TRAF3: variants seen among roughly 807,000 people sequenced by gnomAD.
The protein encoded by TRAF3 is TNF receptor associated factor 3.
Under a neutral mutation model 62.3 loss-of-function variants are expected in TRAF3, and 13 were observed. The ratio of observed to expected loss-of-function variants is 0.21; its 90% CI spans 0.14 to 0.33. The LOEUF (loss-of-function observed/expected upper bound fraction) is 0.33. Among genes scored for constraint, TRAF3 ranks in the 10% least tolerant of loss-of-function variants. The pLI, the probability that TRAF3 is intolerant of heterozygous loss-of-function variation, is 1.00. For synonymous variants in TRAF3, 269 were observed against 283.4 expected (o/e 0.95, Z 0.51); for missense variants, 440 against 741.8 (o/e 0.59, Z 4.73).
rs536849124 is a variant in TRAF3 at position 102,851,466 on chromosome 14, C to T, written c.-17-18719C>T. On this transcript the variant is annotated intron_variant, in intron 2 of 11. Transcript: ENST00000392745. ...AGATTAGAATTTACCATCACAGGGC[C>T]GGGCGCAGTGGCTCAGGCCTGTAAT... Among the ~76,000 whole-genome samples the T allele has an allele frequency of 3.3e-5, 5 of 152,282 alleles. No homozygotes were observed. The South Asian group carries it at 8.3e-4, about 25-fold the overall frequency.
intron 9 of TRAF3, among the ~76,000 whole-genome samples, chr14:102,895,724 T>C (rs1889972426): frequency 6.6e-6 from 1 of 152,242 alleles, no homozygotes; most frequent in Non-Finnish European, 1.5e-5. Context: ...CCTTGAACTT[T>C]TCATCTTTGA....
Position 102,872,086 on chromosome 14 carries a change from C to G in TRAF3, c.297+118C>G, listed in dbSNP as rs542343567. 8.6e-6 allele frequency: 9 copies of G among 1,048,198 alleles called. No homozygotes were observed. The South Asian group carries it at 1.0e-4, about 12-fold the overall frequency. The allele number at this position is 1,048,198 out of a possible 1,614,324, so 64.9% of individuals were successfully genotyped here. A position where few individuals can be genotyped will look rare whatever the true frequency, so the allele number is the denominator to read the frequency against. On this transcript the variant is annotated intron_variant, in intron 4 of 11. Transcript: ENST00000392745. ...ATTCTCTCAGTTTTGGCAGCTGATG[C>G]GGCAGGCTCCCAGGCAGGACACTGT...
intron 1 of TRAF3, among the ~76,000 whole-genome samples, chr14:102,828,512 G>A (rs1208983558): frequency 6.6e-6 from 1 of 152,174 alleles, no homozygotes; most frequent in Admixed American, 6.5e-5. Context: ...GGGCTTCCTG[G>A]GAACGTGAAG....
chr14:102,897,884 T>C (rs1433033764), intron 10 of TRAF3, among the ~76,000 whole-genome samples: 1 of 152,238 alleles, frequency 6.6e-6, no homozygotes, highest in Non-Finnish European at 1.5e-5. Context: ...AACAAACCAG[T>C]GAACCTTTGC....
chr14:102,881,154 C>T (rs768934631), intron 6 of TRAF3, among the ~76,000 whole-genome samples: 2 of 151,940 alleles, frequency 1.3e-5, no homozygotes, highest in Admixed American at 6.6e-5. Context: ...GAGGCCAAAG[C>T]GGGTGGATCA....
intron 2 of TRAF3, among the ~76,000 whole-genome samples, chr14:102,850,833 A>G (rs1886995831): frequency 6.6e-6 from 1 of 151,846 alleles, no homozygotes; most frequent in Admixed American, 6.6e-5. Context: ...CTTCATTGTA[A>G]TTTTCTTAGC....
At chr14:102,875,080 T>A (rs1448771435) in intron 4 of TRAF3, among the ~76,000 whole-genome samples, 1 of 152,246 alleles carries the variant, frequency 6.6e-6, no homozygotes, top group African/African-American at 2.4e-5. Context: ...AAATGAGTTT[T>A]AACAGCATGA....
chr14:102,788,667 G>T (rs941685941), intron 1 of TRAF3, among the ~76,000 whole-genome samples: 4 of 152,120 alleles, frequency 2.6e-5, no homozygotes, highest in Non-Finnish European at 5.9e-5. Context: ...GCGTGGTGGC[G>T]CATGCCTCTA....
In TRAF3 at chr14:102,903,586, C is replaced by A; in HGVS notation, c.1135+157C>A. 9.3e-7 allele frequency: 1 copy of A among 1,076,852 alleles called. No homozygotes were observed. The highest frequency in any genetic ancestry group is 1.4e-6 in the Non-Finnish European group (1 of 727,072). 66.7% of individuals were successfully genotyped at this position (1,076,852 alleles called of 1,614,324 possible). A position where few individuals can be genotyped will look rare whatever the true frequency, so the allele number is the denominator to read the frequency against. ...ACGCAGAGGTGTGATGACTTTCCTA[C>A]TGAAAGTCCCCCAGCAAAGACAAAC... On this transcript the variant is annotated intron_variant, in intron 11 of 11. Transcript: ENST00000392745. The surrounding 1 kb of genome is among the most constrained non-coding windows in gnomAD (Gnocchi z 6.4).
chr14:102,826,986 C>T lies in TRAF3; in HGVS notation c.-156-3348C>T, dbSNP rs1900355957. On this transcript the variant is annotated intron_variant, in intron 1 of 11. Coordinates refer to ENST00000392745, the MANE Select transcript of TRAF3 (RefSeq NM_145725.3). This position sits in a 1 kb window ranked among gnomAD's most constrained non-coding sequence, Gnocchi z 4.6. ...GTCAGTGGTGGTGGCGGTGGCTGTACCTGCTCCGGGCTGCTGTGAGGGAGG... is the reference window on the plus strand; with the variant it reads ...GTCAGTGGTGGTGGCGGTGGCTGTATCTGCTCCGGGCTGCTGTGAGGGAGG... Among the ~76,000 whole-genome samples the T allele has an allele frequency of 6.6e-6, 1 of 152,186 alleles. No homozygotes were observed. Among genetic ancestry groups the T allele is most frequent in the Non-Finnish European group, 1.5e-5 (1 of 68,028 alleles).
chr14:102,825,121 T>C (rs1462120183), intron 1 of TRAF3, among the ~76,000 whole-genome samples: 1 of 152,198 alleles, frequency 6.6e-6, no homozygotes, highest in Non-Finnish European at 1.5e-5. Flanking sequence ...CCCTTTCTGC[T>C]CTGCCCACGC....
chr14:102,903,524 A>G lies in TRAF3; in HGVS notation c.1135+95A>G. 3 of 1,553,390 alleles carry G rather than the reference A, an allele frequency of 1.9e-6. No individual in the cohort carries two copies. Among genetic ancestry groups the G allele is most frequent in the Non-Finnish European group, 1.8e-6 (2 of 1,138,026 alleles). Reference sequence around the variant, plus strand: ...GTGGGATGAGGGCTATGTTAGGTACATGTGCCTTAGGACAGTTTTTTCTAA... The same window carrying G: ...GTGGGATGAGGGCTATGTTAGGTACGTGTGCCTTAGGACAGTTTTTTCTAA... On this transcript the variant is annotated intron_variant, in intron 11 of 11. Transcript: ENST00000392745. This position sits in a 1 kb window ranked among gnomAD's most constrained non-coding sequence, Gnocchi z 6.4.
chr14:102,896,582 T>G (rs1890020676), intron 9 of TRAF3, among the ~76,000 whole-genome samples: 1 of 152,238 alleles, frequency 6.6e-6, no homozygotes, highest in Non-Finnish European at 1.5e-5. Flanking sequence ...GGGTGATACA[T>G]AAGCATCTGT....
chr14:102,893,717 T>C (rs1407521540), intron 9 of TRAF3, among the ~76,000 whole-genome samples: 2 of 151,956 alleles, frequency 1.3e-5, no homozygotes, highest in African/African-American at 4.8e-5. Flanking sequence ...GCCCCGAGAG[T>C]GCAGGATGCA....
chr14:102,812,472 C>A (rs1308871241), intron 1 of TRAF3, among the ~76,000 whole-genome samples: 1 of 152,190 alleles, frequency 6.6e-6, no homozygotes, highest in African/African-American at 2.4e-5. Flanking sequence ...ATAGATGTCT[C>A]TTTGATGTCA....
chr14:102,867,383 T>C (rs2139813293), intron 2 of TRAF3, among the ~76,000 whole-genome samples: 1 of 152,316 alleles, frequency 6.6e-6, no homozygotes, highest in Non-Finnish European at 1.5e-5. Flanking sequence ...ATTTGCAGGC[T>C]GTAGTTTGCC....
chr14:102,904,931 G>C (rs1890510136), intron 11 of TRAF3, among the ~76,000 whole-genome samples: 1 of 151,952 alleles, frequency 6.6e-6, no homozygotes, highest in East Asian at 1.9e-4. Context: ...GGCCAACATG[G>C]CGAAACCCTG....
Position 102,905,322 on chromosome 14 carries a change from T to C in TRAF3, c.1245T>C (p.Asn415=), listed in dbSNP as rs1364339851. The change falls in exon 12 of 12, where the codon AAT becomes AAC. Residue 415 remains asparagine, a synonymous_variant. Coordinates refer to ENST00000392745, the MANE Select transcript of TRAF3 (RefSeq NM_145725.3). ...AGGTCCTGGAGACCGCCAGCTACAA[T>C]GGAGTGCTCATCTGGAAGATTCGCG... The part of the protein sequence containing the change: ...RFQVLETASY[N]GVLIWKIRDY... 10 of 1,614,038 alleles carry C rather than the reference T, an allele frequency of 6.2e-6. No individual in the cohort carries two copies. The African/African-American group carries it at 1.3e-4, about 22-fold the overall frequency.
At chr14:102,868,052 C>T (rs1475872026) in intron 2 of TRAF3, among the ~76,000 whole-genome samples, 2 of 152,210 alleles carry the variant, frequency 1.3e-5, no homozygotes, top group Admixed American at 6.5e-5. Flanking sequence ...AAGGGCTCCG[C>T]CCGCCCACCC....
Sources: gnomAD v4.1 joint callset for allele counts (sites outside exome capture counted in the v4.1 genomes callset) on GRCh38, gnomAD v4.1.1 for gene constraint, Gnocchi (gnomAD v3.1) non-coding constraint, MANE v1.5 for transcripts, NCBI Gene and HGNC (gene_info 2026-07-23, HGNC 2026-07-21) for gene names.